The following OGN variants were observed in gnomAD, a reference collection of about 807,000 sequenced individuals.
The protein encoded by OGN is mimecan.
A neutral mutation model predicts 30.8 loss-of-function variants in OGN; 19 were observed. The observed-to-expected ratio is 0.62, with a 90% CI of 0.43 to 0.90. The LOEUF (loss-of-function observed/expected upper bound fraction) is 0.90, where lower values mean the gene tolerates loss of function less well. OGN is among the 40% of genes least tolerant of loss of function. The probability of loss-of-function intolerance (pLI) is 0.00; values close to 1 mark genes in which losing one functional copy is unlikely to be tolerated. For missense variants in OGN, 283 were observed against 349.7 expected, an observed-to-expected ratio of 0.81 and a Z score of 1.52; for synonymous variants, 126 against 128.3, an observed-to-expected ratio of 0.98 and a Z score of 0.12.
chr9:92,387,901 C>T (rs748346832), intron 5 of OGN, among the ~76,000 whole-genome samples: 10 of 151,740 alleles, frequency 6.6e-5, no homozygotes, highest in Admixed American at 2.0e-4. Context: ...GTAGCTGGGA[C>T]GACAGGTGCC....
At chr9:92,386,443 A>G (rs1022995607) in intron 5 of OGN, 147 bp from the exon 6 acceptor site, 2 of 582,612 alleles carry the variant, frequency 3.4e-6, no homozygotes, top group Non-Finnish European at 6.1e-6. Context: ...AATTGTTCGT[A>G]TGGTAGTTTC....
chr9:92,401,862 T>C (rs763368040), intron 2 of OGN, among the ~76,000 whole-genome samples: 3 of 152,192 alleles, frequency 2.0e-5, no homozygotes, highest in Non-Finnish European at 2.9e-5. Context: ...TATTATGTGG[T>C]GTCCTATTCT....
rs192523300 is a variant in OGN, at chr9:92,395,501, C to T, written c.269-2257G>A. ...TGTGTAAGTTTGTGTGGACTTAATGCTTTCATTTCTCTTGGGTAAGTACCT... is the reference window on the plus strand; with the variant it reads ...TGTGTAAGTTTGTGTGGACTTAATGTTTTCATTTCTCTTGGGTAAGTACCT... On this transcript the variant is annotated intron_variant, in intron 3 of 6. Transcript: ENST00000375561. Among the ~76,000 whole-genome samples, 27 of 152,228 alleles carry T rather than the reference C, an allele frequency of 1.8e-4. No homozygotes were observed. In the East Asian group the frequency reaches 5.0e-3, roughly 28 times the overall value.
At chr9:92,404,418 C>T (rs561053033) in intron 1 of OGN, 78 bp downstream of exon 1, 3 of 943,916 alleles carry the variant, frequency 3.2e-6, no homozygotes, top group South Asian at 3.3e-5. Context: ...ATGGCCTTTA[C>T]ATTTATTAAG....
intron 4 of OGN, among the ~76,000 whole-genome samples, chr9:92,392,362 G>C (rs567165489): frequency 6.6e-6 from 1 of 152,170 alleles, no homozygotes; most frequent in Non-Finnish European, 1.5e-5. Context: ...GGTGGCTCAC[G>C]CCTGTATTCC....
chr9:92,388,174 T>G (rs955784006), intron 5 of OGN, among the ~76,000 whole-genome samples: 1 of 152,024 alleles, frequency 6.6e-6, no homozygotes, highest in African/African-American at 2.4e-5. Context: ...TCCTTTTTTT[T>G]TGGAGACTGA....
At chr9:92,393,688 G>A (rs1030888093) in intron 3 of OGN, among the ~76,000 whole-genome samples, 7 of 152,136 alleles carry the variant, frequency 4.6e-5, no homozygotes, top group Non-Finnish European at 7.4e-5. Context: ...GGATCCTTTA[G>A]CACCCCAAGT....
intron 3 of OGN, among the ~76,000 whole-genome samples, chr9:92,399,200 C>T (rs1288291076): frequency 6.6e-6 from 1 of 152,108 alleles, no homozygotes; most frequent in Non-Finnish European, 1.5e-5. Context: ...TACCCCATAG[C>T]CCTTGCTCAT....
chr9:92,390,538 G>T (rs1842629865), intron 4 of OGN, among the ~76,000 whole-genome samples: 1 of 151,376 alleles, frequency 6.6e-6, no homozygotes, highest in Admixed American at 6.6e-5. Flanking sequence ...ATTTGTTAAA[G>T]TGACACAGAT....
At chr9:92,399,072 C>G (rs1038916607) in intron 3 of OGN, among the ~76,000 whole-genome samples, 2 of 151,734 alleles carry the variant, frequency 1.3e-5, no homozygotes, top group African/African-American at 4.8e-5. Context: ...AAAAAAAATC[C>G]TCAAAGTTGG....
chr9:92,391,376 C>T (rs1842677601), intron 4 of OGN, among the ~76,000 whole-genome samples: 1 of 152,050 alleles, frequency 6.6e-6, no homozygotes, highest in African/African-American at 2.4e-5. Flanking sequence ...CACTGCACTC[C>T]AGCCTGGGCA....
chr9:92,386,908 CGTG>C (rs763737212), intron 5 of OGN, among the ~76,000 whole-genome samples: 2 of 151,504 alleles, frequency 1.3e-5, no homozygotes, highest in Non-Finnish European at 2.9e-5. Context: ...ATTAGACAGG[CGTG>C]GTGGTGGGCG....
At chr9:92,390,755 C>G (rs910778735) in intron 4 of OGN, among the ~76,000 whole-genome samples, 1 of 152,208 alleles carries the variant, frequency 6.6e-6, no homozygotes, top group Non-Finnish European at 1.5e-5. Context: ...CTGTGAGCCT[C>G]TGGCCACACA....
intron 3 of OGN, among the ~76,000 whole-genome samples, chr9:92,394,606 T>G (rs1842817758): frequency 6.6e-6 from 1 of 151,668 alleles, no homozygotes; most frequent in Admixed American, 6.6e-5. Context: ...ATTTTTTGAA[T>G]TTTTTTTCTT....
chr9:92,396,093 T>A (rs1273609792), intron 3 of OGN, among the ~76,000 whole-genome samples: 3 of 152,228 alleles, frequency 2.0e-5, no homozygotes, highest in Admixed American at 6.5e-5. Flanking sequence ...GTTGTCTGGT[T>A]CTTTCAGCAC....
chr9:92,395,239 G>C (rs762412894), intron 3 of OGN, among the ~76,000 whole-genome samples: 1 of 152,026 alleles, frequency 6.6e-6, no homozygotes, highest in Non-Finnish European at 1.5e-5. Flanking sequence ...CCTGCTTTTG[G>C]TCAGTATACA....
intron 5 of OGN, among the ~76,000 whole-genome samples, chr9:92,389,432 A>G (rs1842576554): frequency 6.6e-6 from 1 of 152,242 alleles, no homozygotes; most frequent in Non-Finnish European, 1.5e-5. Context: ...TTAAATATTA[A>G]AAGTTAAATT....
chr9:92,394,627 T>A (rs373281070), intron 3 of OGN, among the ~76,000 whole-genome samples: 1 of 151,958 alleles, frequency 6.6e-6, no homozygotes, highest in Non-Finnish European at 1.5e-5. Context: ...TTTTTTGAGA[T>A]GAAGTCTCGC....
rs78505709 is a variant in OGN, at chr9:92,400,029, T to C, written c.268+1063A>G. On this transcript the variant is annotated intron_variant, in intron 3 of 6. Transcript: ENST00000375561. ...TCTAGAATCTGGTTTTCCAGCTTTA[T>C]AAAAAAATTTATTGGTAATTTTAGT... Among the ~76,000 whole-genome samples the C allele has an allele frequency of 4.8e-3, 732 of 152,330 alleles. 4 individuals carry two copies. Among genetic ancestry groups the C allele is most frequent in the African/African-American group, 0.015 (636 of 41,590 alleles).
Sources: gnomAD v4.1 joint callset for allele counts (sites outside exome capture counted in the v4.1 genomes callset) on GRCh38, gnomAD v4.1.1 for gene constraint, MANE v1.5 for transcripts, NCBI Gene and HGNC (gene_info 2026-07-23, HGNC 2026-07-21) for gene names.